SYT10: variants seen among roughly 807,000 people sequenced by gnomAD.
SYT10 encodes the protein synaptotagmin 10, also known as synaptotagmin-10.
Under a neutral mutation model 51.1 loss-of-function variants are expected in SYT10, and 31 were observed. The ratio of observed to expected loss-of-function variants is 0.61; its 90% confidence interval spans 0.46 to 0.82. The LOEUF (loss-of-function observed/expected upper bound fraction) is 0.82. Ranked by LOEUF, SYT10 falls within the 40% of genes least tolerant of loss-of-function variation. The pLI, the probability that SYT10 is intolerant of heterozygous loss-of-function variation, is 0.00. For missense variants in SYT10, 603 were observed against 634.0 expected (o/e 0.95, Z 0.53); for synonymous variants, 233 against 225.9 (o/e 1.03, Z -0.28).
intron 3 of SYT10, among the ~76,000 whole-genome samples, chr12:33,396,687 CTTT>C (rs1386693501): frequency 2.1e-5 from 3 of 142,714 alleles, no homozygotes; most frequent in African/African-American, 2.6e-5. Context: ...TGGAATTCCA[CTTT>C]TTTTTTTTTT....
chr12:33,428,060 T>C, intron 1 of SYT10, among the ~76,000 whole-genome samples: 1 of 152,206 alleles, frequency 6.6e-6, no homozygotes, highest in African/African-American at 2.4e-5. Flanking sequence ...GCTATCCATG[T>C]GAGAGACTAG....
chr12:33,392,375 C>A lies in SYT10; in HGVS notation c.1078-7084G>T, dbSNP rs546472140. ...TCAGGAAATGTAATTAACATTGTAACCCTTTTCCAGTTTCTAGCCCACTTT... is the reference window on the plus strand; with the variant it reads ...TCAGGAAATGTAATTAACATTGTAAACCTTTTCCAGTTTCTAGCCCACTTT... On this transcript the variant is annotated intron_variant, in intron 3 of 6. Coordinates refer to ENST00000228567, the MANE Select transcript of SYT10 (RefSeq NM_198992.4). 2.0e-5 allele frequency among the ~76,000 whole-genome samples: 3 copies of A among 152,220 alleles called. No homozygotes were observed. The East Asian group carries it at 5.8e-4, about 30-fold the overall frequency.
At chr12:33,403,895 C>T (rs1340429864) in intron 3 of SYT10, among the ~76,000 whole-genome samples, 1 of 152,008 alleles carries the variant, frequency 6.6e-6, no homozygotes, top group Non-Finnish European at 1.5e-5. Context: ...AATATTTGGC[C>T]ACACAGTCTA....
At chr12:33,416,953 A>G (rs1248821972) in intron 2 of SYT10, among the ~76,000 whole-genome samples, 1 of 152,162 alleles carries the variant, frequency 6.6e-6, no homozygotes, top group East Asian at 1.9e-4. Flanking sequence ...TCAGGAAGGC[A>G]AGTATATGGG....
intron 3 of SYT10, among the ~76,000 whole-genome samples, chr12:33,396,772 C>T (rs763193238): frequency 3.3e-5 from 5 of 151,922 alleles, no homozygotes; most frequent in African/African-American, 4.8e-5. Context: ...CAACCTCCAC[C>T]TCCTGGGTTG....
intron 1 of SYT10, among the ~76,000 whole-genome samples, chr12:33,435,547 T>G (rs1866631744): frequency 6.6e-6 from 1 of 152,222 alleles, no homozygotes; most frequent in African/African-American, 2.4e-5. Flanking sequence ...GAATTCACTG[T>G]GGCTCCATTA....
intron 2 of SYT10, among the ~76,000 whole-genome samples, chr12:33,413,461 C>T (rs1329720562): frequency 6.6e-6 from 1 of 152,140 alleles, no homozygotes; most frequent in African/African-American, 2.4e-5. Context: ...CAAAGGGAAG[C>T]CCATCAGACT....
chr12:33,396,114 ACT>A (rs1328314666), intron 3 of SYT10, among the ~76,000 whole-genome samples: 1 of 152,154 alleles, frequency 6.6e-6, no homozygotes, highest in South Asian at 2.1e-4. Flanking sequence ...TAGACATGAG[ACT>A]CTCAAAATCC....
chr12:33,418,634 C>A (rs921536843), intron 2 of SYT10, among the ~76,000 whole-genome samples: 4 of 152,210 alleles, frequency 2.6e-5, no homozygotes, highest in Non-Finnish European at 5.9e-5. Flanking sequence ...GGTCCAAAAT[C>A]TTCAAGTCAT....
At chr12:33,423,692 C>T (rs546284724) in intron 2 of SYT10, among the ~76,000 whole-genome samples, 2 of 152,184 alleles carry the variant, frequency 1.3e-5, no homozygotes, top group South Asian at 4.1e-4. Flanking sequence ...TGCTGTTATT[C>T]TCCAGCCTTC....
chr12:33,420,208 C>G (rs1866490250), intron 2 of SYT10, among the ~76,000 whole-genome samples: 1 of 152,296 alleles, frequency 6.6e-6, no homozygotes, highest in East Asian at 1.9e-4. Flanking sequence ...GTCTTTCACT[C>G]TCCAAGACTT....
intron 1 of SYT10, among the ~76,000 whole-genome samples, chr12:33,438,419 G>C (rs1866655514): frequency 6.6e-6 from 1 of 152,186 alleles, no homozygotes; most frequent in Non-Finnish European, 1.5e-5. Flanking sequence ...GCAACTCGGG[G>C]ATCCACCTCG....
chr12:33,420,210 CCAAGA>C (rs1591994880), intron 2 of SYT10, among the ~76,000 whole-genome samples: 1 of 152,176 alleles, frequency 6.6e-6, no homozygotes, highest in East Asian at 1.9e-4. Flanking sequence ...CTTTCACTCT[CCAAGA>C]CTTTCTTCTA....
At chr12:33,416,458 C>A (rs941200884) in intron 2 of SYT10, among the ~76,000 whole-genome samples, 2 of 152,164 alleles carry the variant, frequency 1.3e-5, no homozygotes, top group African/African-American at 4.8e-5. Context: ...TTACCACTTA[C>A]TGTTAGTGAT....
At chr12:33,385,441 T>A in intron 3 of SYT10, 150 bp from the exon 4 acceptor site, 2 of 1,173,100 alleles carry the variant, frequency 1.7e-6, no homozygotes, top group Admixed American at 5.7e-5. Context: ...CTGAATGCAG[T>A]AAGCAAAAAG....
chr12:33,392,180 CT>C (rs1333220073), intron 3 of SYT10, among the ~76,000 whole-genome samples: 1 of 152,156 alleles, frequency 6.6e-6, no homozygotes, highest in African/African-American at 2.4e-5. Flanking sequence ...ATTATGTTTG[CT>C]GTAATTCTAT....
At chr12:33,405,774 T>TA (rs1349864576) in intron 3 of SYT10, 1 of 151,522 alleles carries the variant, frequency 6.6e-6, no homozygotes, top group Non-Finnish European at 1.5e-5. Context: ...TGTCCCCATT[T>TA]AAAAACTAAT....
intron 4 of SYT10, among the ~76,000 whole-genome samples, chr12:33,383,720 A>T (rs74460147): frequency 0.018 from 2,728 of 152,172 alleles, 36 homozygotes; most frequent in Non-Finnish European, 0.026. Context: ...CTCTGACTAC[A>T]TTTCTCTGCT....
intron 6 of SYT10, among the ~76,000 whole-genome samples, chr12:33,379,024 G>A (rs1866090563): frequency 6.6e-6 from 1 of 152,144 alleles, no homozygotes; most frequent in Admixed American, 6.6e-5. Context: ...CACGTCCTGA[G>A]TAACAAAGCC....
Sources: allele counts gnomAD v4.1 joint callset (sites outside exome capture counted in the v4.1 genomes callset), GRCh38; gene constraint gnomAD v4.1.1; transcripts MANE v1.5; gene names NCBI Gene and HGNC (gene_info 2026-07-23, HGNC 2026-07-21).